FAM13A: variants seen among roughly 807,000 people sequenced by gnomAD.
The protein encoded by FAM13A is protein FAM13A.
FAM13A carries 76 observed loss-of-function variants against 129.6 expected under a neutral mutation model. That is an observed-to-expected ratio of 0.59 (90% confidence interval 0.49 to 0.71). The LOEUF is 0.71. FAM13A is among the 30% of genes least tolerant of loss of function. The pLI is 0.00. For synonymous variants in FAM13A, 443 were observed against 449.9 expected, an observed-to-expected ratio of 0.98 and a Z score of 0.20; for missense variants, 1,108 against 1,249.3, an observed-to-expected ratio of 0.89 and a Z score of 1.70.
At chr4:88,767,118 C>T (rs989958961) in intron 13 of FAM13A, among the ~76,000 whole-genome samples, 4 of 152,066 alleles carry the variant, frequency 2.6e-5, no homozygotes, top group Non-Finnish European at 5.9e-5. Flanking sequence ...AGATGAGAGA[C>T]AAAACTCAGC....
At chr4:88,837,398 G>T (rs1326433262) in intron 7 of FAM13A, among the ~76,000 whole-genome samples, 2 of 151,416 alleles carry the variant, frequency 1.3e-5, no homozygotes, top group African/African-American at 4.9e-5. Flanking sequence ...AAATTTCTTT[G>T]TGTTCTCAGT....
intron 5 of FAM13A, among the ~76,000 whole-genome samples, chr4:88,909,076 C>G (rs961776061): frequency 2.6e-5 from 4 of 152,042 alleles, no homozygotes; most frequent in African/African-American, 9.7e-5. Context: ...TTTATAAAGC[C>G]ATTTATATTT....
intron 1 of FAM13A, among the ~76,000 whole-genome samples, chr4:89,053,804 A>G (rs937214626): frequency 2.0e-5 from 3 of 152,064 alleles, no homozygotes; most frequent in Non-Finnish European, 4.4e-5. Context: ...ATGCATTTCA[A>G]CTCCTCCTTC....
intron 4 of FAM13A, among the ~76,000 whole-genome samples, chr4:88,975,822 A>G (rs1026005797): frequency 2.6e-5 from 4 of 152,230 alleles, no homozygotes; most frequent in African/African-American, 9.6e-5. Context: ...GTGATGAGTG[A>G]GATAAAGTAT....
At chr4:88,894,065 ACTC>A (rs1172363901) in intron 6 of FAM13A, among the ~76,000 whole-genome samples, 1 of 152,006 alleles carries the variant, frequency 6.6e-6, no homozygotes, top group Non-Finnish European at 1.5e-5. Context: ...AACAACAAAA[ACTC>A]CTATTACCAA....
intron 5 of FAM13A, among the ~76,000 whole-genome samples, chr4:88,918,911 C>T (rs528698463): frequency 6.6e-6 from 1 of 152,268 alleles, no homozygotes; most frequent in East Asian, 1.9e-4. Flanking sequence ...TATTTTCATC[C>T]TCCTCTTTCT....
intron 4 of FAM13A, among the ~76,000 whole-genome samples, chr4:88,965,782 T>C (rs947930452): frequency 6.6e-6 from 1 of 152,256 alleles, no homozygotes; most frequent in South Asian, 2.1e-4. Context: ...CTGACTACTT[T>C]AGATACTTCA....
intron 2 of FAM13A, among the ~76,000 whole-genome samples, chr4:89,026,949 C>T (rs985177585): frequency 4.6e-5 from 7 of 152,170 alleles, no homozygotes; most frequent in Non-Finnish European, 1.0e-4. Context: ...GAGTGCTTCT[C>T]ACTCATTTCC....
intron 4 of FAM13A, among the ~76,000 whole-genome samples, chr4:88,972,615 T>G (rs1297725645): frequency 6.6e-6 from 1 of 151,708 alleles, no homozygotes; most frequent in Non-Finnish European, 1.5e-5. Flanking sequence ...CTTCACTTTT[T>G]TTTGGGGGGG....
At chr4:88,997,415 G>A (rs570933866) in intron 3 of FAM13A, among the ~76,000 whole-genome samples, 2 of 152,264 alleles carry the variant, frequency 1.3e-5, no homozygotes, top group Admixed American at 1.3e-4. Flanking sequence ...CATTTCTCAA[G>A]CTAAAATTCA....
chr4:88,894,291 G>C (rs1198820936), intron 6 of FAM13A, among the ~76,000 whole-genome samples: 2 of 151,954 alleles, frequency 1.3e-5, no homozygotes, highest in Non-Finnish European at 2.9e-5. Flanking sequence ...CTTAAATATT[G>C]GAGACAATCT....
intron 6 of FAM13A, among the ~76,000 whole-genome samples, chr4:88,880,971 C>T (rs548318103): frequency 7.2e-5 from 11 of 152,230 alleles, no homozygotes; most frequent in Admixed American, 7.2e-4. Flanking sequence ...CCGACAGCAG[C>T]CACAGCAAGT....
chr4:89,004,910 T>G (rs371362149), intron 3 of FAM13A, among the ~76,000 whole-genome samples: 1 of 152,298 alleles, frequency 6.6e-6, no homozygotes, highest in South Asian at 2.1e-4. Context: ...TCTAGAAATT[T>G]TTTTTTTAAC....
intron 7 of FAM13A, among the ~76,000 whole-genome samples, chr4:88,806,190 T>C (rs1212599006): frequency 6.6e-6 from 1 of 152,090 alleles, no homozygotes; most frequent in African/African-American, 2.4e-5. Flanking sequence ...TATAACTATA[T>C]TATGTACATC....
chr4:89,020,599 G>C lies in FAM13A; in HGVS notation c.288C>G (p.Phe96Leu), dbSNP rs758281042. Residue 96 changes from phenylalanine (F) to leucine (L), a missense_variant, in exon 3 of 24, where the codon TTC becomes TTG. By Grantham distance (22) the Phe-to-Leu change is conservative. This residue lies in a region of FAM13A where 566 missense variants were observed against 595.7 expected (regional missense o/e 0.95). Transcript: ENST00000264344. ...CGAGCTCCACGGGCACTCCACTCTC[G>C]AACTTCAGTCGAAGTTGTTCCACCA... The part of the protein sequence containing the change: ...VKVVEQLRLK[F>L]ESGVPVELGK... 5 of 1,613,938 alleles carry C rather than the reference G, an allele frequency of 3.1e-6. No individual in the cohort carries two copies. In the Admixed American group the frequency reaches 6.7e-5, roughly 22 times the overall value.
Position 88,787,918 on chromosome 4 carries a change from GTTCT to G in FAM13A, c.1102_1105del (p.Arg368ProfsTer6). Reference sequence around the variant, plus strand: ...ATGTTGTTCTACAGCTGATCGGATGGTTCTTTCTAAGAGTCTGGCAAAAAAGAAT... The same window carrying G: ...ATGTTGTTCTACAGCTGATCGGATGGTTCTAAGAGTCTGGCAAAAAAGAAT... On this transcript the variant is annotated frameshift_variant, in exon 10 of 24. Coordinates refer to ENST00000264344, the MANE Select transcript of FAM13A (RefSeq NM_014883.4). LOFTEE classifies it high-confidence loss of function. The G allele has an allele frequency of 6.2e-7, 1 of 1,612,636 alleles. No homozygotes were observed. Among genetic ancestry groups the G allele is most frequent in the Non-Finnish European group, 8.5e-7 (1 of 1,179,264 alleles).
chr4:88,925,493 G>A lies in FAM13A; in HGVS notation c.759+12595C>T, dbSNP rs550124138. On this transcript the variant is annotated intron_variant, in intron 5 of 23. Transcript: ENST00000264344. The stretch of plus-strand genomic sequence containing the variant: ...CACTGCGTGTTCTCACTCATAGGTG[G>A]GAATTGAACAATGAGAACACATGGA... 3.9e-4 allele frequency among the ~76,000 whole-genome samples: 58 copies of A among 148,274 alleles called. 1 individual carries two copies. Among genetic ancestry groups the A allele is most frequent in the African/African-American group, 1.4e-3 (56 of 40,282 alleles).
intron 4 of FAM13A, among the ~76,000 whole-genome samples, chr4:88,988,542 T>C (rs758012352): frequency 8.5e-5 from 13 of 152,188 alleles, no homozygotes; most frequent in Non-Finnish European, 1.5e-4. Flanking sequence ...TATTTACATA[T>C]ATACAGACAT....
In FAM13A at chr4:88,884,028, C is replaced by CA. The variant is rs34364142; in HGVS notation, c.843+22350dup. On this transcript the variant is annotated intron_variant, in intron 6 of 23. Coordinates refer to ENST00000264344, the MANE Select transcript of FAM13A (RefSeq NM_014883.4). ...GATTGAAATGCTAATTAAAAATTGC[C>CA]AAAAAAAAAGTCCAGGAAAAGATGG... Among the ~76,000 whole-genome samples the CA allele has an allele frequency of 3.7e-4, 55 of 148,898 alleles. 1 individual carries two copies. Among genetic ancestry groups the CA allele is most frequent in the South Asian group, 1.9e-3 (9 of 4,682 alleles).
Sources: allele counts gnomAD v4.1 joint callset (sites outside exome capture counted in the v4.1 genomes callset), GRCh38; gene constraint gnomAD v4.1.1; regional missense constraint gnomAD v4.1.1; transcripts MANE v1.5; gene names NCBI Gene and HGNC (gene_info 2026-07-23, HGNC 2026-07-21).